The following PHKA1 variants were observed in gnomAD, a reference collection of about 807,000 sequenced individuals.
The protein encoded by PHKA1 is phosphorylase kinase regulatory subunit alpha 1.
A neutral mutation model predicts 110.2 loss-of-function variants in PHKA1; 60 were observed. The ratio of observed to expected loss-of-function variants is 0.54; its 90% CI spans 0.44 to 0.68. The LOEUF is 0.68. Ranked by LOEUF, PHKA1 falls within the 30% of genes least tolerant of loss-of-function variation. The pLI is 0.00. For synonymous variants in PHKA1, 316 were observed against 333.6 expected (o/e 0.95, Z 0.58); for missense variants, 801 against 942.5 (o/e 0.85, Z 1.97).
intron 2 of PHKA1, 150 bp downstream of exon 2, chrX:72,712,629 G>C: frequency 1.8e-6 from 1 of 555,768 alleles, no homozygotes; most frequent in Non-Finnish European, 3.1e-6. Flanking sequence ...AAGCTTTCTG[G>C]AATATAATTT....
chrX:72,595,799 T>C (rs2052582120), intron 28 of PHKA1, among the ~76,000 whole-genome samples: 1 of 111,355 alleles, frequency 9.0e-6, no homozygotes, highest in Non-Finnish European at 1.9e-5. Flanking sequence ...AGATAACAGG[T>C]ATTGGTGAGA....
rs888308135 is a variant in PHKA1 at position 72,609,676 on chromosome X, T to C, written c.2554A>G (p.Lys852Glu). 1 of 1,203,806 alleles carries C rather than the reference T, an allele frequency of 8.3e-7. No homozygotes were observed. Among genetic ancestry groups the C allele is most frequent in the Non-Finnish European group, 1.1e-6 (1 of 888,234 alleles). ...GGAGGAAGTCCTACTGTCAAATGTT[T>C]CTGGTGGGAGAGAAGGTCTGTGCAG... ...EACTDLLSHQ[K>E]HLTVGLPPEP... Residue 852 changes from lysine (K) to glutamate (E), a missense_variant, in exon 23 of 32, where the codon AAA (lysine) becomes GAA (glutamate). Physicochemically the swap from Lys to Glu is moderately conservative, Grantham distance 56 (BLOSUM62 1). This residue lies in a region of PHKA1 where 502 missense variants were observed against 519.2 expected (regional missense o/e 0.97). Coordinates refer to ENST00000373542, the MANE Select transcript of PHKA1 (RefSeq NM_002637.4).
chrX:72,707,482 C>CT (rs2054304569), intron 2 of PHKA1, among the ~76,000 whole-genome samples: 1 of 110,803 alleles, frequency 9.0e-6, no homozygotes, highest in Non-Finnish European at 1.9e-5. Context: ...GCTTATATAT[C>CT]TGTCTCCCCC....
At chrX:72,603,402 A>AT (rs781933537) in intron 25 of PHKA1, among the ~76,000 whole-genome samples, 182 bp from the exon 26 acceptor site, 9 of 112,044 alleles carry the variant, frequency 8.0e-5, no homozygotes, top group Non-Finnish European at 1.7e-4. Flanking sequence ...ATTCTTAATT[A>AT]TTTAAGGACT....
In PHKA1 at chrX:72,593,087, C is replaced by G; in HGVS notation, c.3243+17G>C. On this transcript the variant is annotated intron_variant, in intron 29 of 31. Coordinates refer to ENST00000373542, the MANE Select transcript of PHKA1 (RefSeq NM_002637.4). ...TCAAGGGGCAAAAATGAGACATCAA[C>G]AATGTATTATGCTCACCTTCTGCAA... The G allele has an allele frequency of 9.0e-7, 1 of 1,110,527 alleles. No homozygotes were observed. The highest frequency in any genetic ancestry group is 3.0e-5 in the East Asian group (1 of 33,352). The allele number at this position is 1,110,527 out of a possible 1,213,427, so 91.5% of individuals were successfully genotyped here.
intron 3 of PHKA1, 91 bp from the exon 4 acceptor site, chrX:72,695,967 A>C: frequency 1.4e-6 from 1 of 730,168 alleles, no homozygotes; most frequent in Non-Finnish European, 2.2e-6. Context: ...CATTATTGCA[A>C]TGTGAAGATA....
intron 6 of PHKA1, among the ~76,000 whole-genome samples, chrX:72,670,864 G>C (rs1194611744): frequency 9.0e-6 from 1 of 111,462 alleles, no homozygotes; most frequent in Non-Finnish European, 1.9e-5. Flanking sequence ...ATGCAGAAAG[G>C]GCCTTTGACA....
chrX:72,627,811 CTTTTTTTTT>C (rs1160541868), intron 16 of PHKA1, among the ~76,000 whole-genome samples: 2 of 67,859 alleles, frequency 2.9e-5, no homozygotes, highest in Admixed American at 1.8e-4. Flanking sequence ...TTTTCCTACA[CTTTTTTTTT>C]TTTTTTTTTT....
At chrX:72,679,644 C>G (rs5958815) in intron 5 of PHKA1, among the ~76,000 whole-genome samples, 43,303 of 109,880 alleles carry the variant, frequency 0.39, 10,187 homozygotes, top group African/African-American at 0.87. Flanking sequence ...CTGTATCTGA[C>G]CTGAAAAATA....
Position 72,580,878 on chromosome X carries a change from G to A in PHKA1, c.*124C>T. The A allele has an allele frequency of 3.1e-6, 2 of 635,401 alleles. No homozygotes were observed. Among genetic ancestry groups the A allele is most frequent in the Non-Finnish European group, 5.1e-6 (2 of 391,518 alleles). 52.4% of individuals were successfully genotyped at this position (635,401 alleles called of 1,213,427 possible). ...TTATCGAAAAAGTTCTCTCTTCTTG[G>A]GAAGGATGGGACAGAAAGGGGCAGG... On this transcript the variant is annotated 3_prime_UTR_variant, in exon 32 of 32. Coordinates refer to ENST00000373542, the MANE Select transcript of PHKA1 (RefSeq NM_002637.4).
intron 16 of PHKA1, among the ~76,000 whole-genome samples, chrX:72,628,337 A>G (rs1319836153): frequency 1.8e-5 from 2 of 109,033 alleles, no homozygotes; most frequent in African/African-American, 6.7e-5. Context: ...TTTTCAATTG[A>G]CTTTCAAGAG....
At chrX:72,673,705 G>A (rs1350573539) in intron 6 of PHKA1, among the ~76,000 whole-genome samples, 1 of 109,546 alleles carries the variant, frequency 9.1e-6, no homozygotes, top group Non-Finnish European at 1.9e-5. Flanking sequence ...AAAGAAAAAT[G>A]ACATCTATGG....
At chrX:72,648,771 A>G (rs2053391991) in intron 13 of PHKA1, among the ~76,000 whole-genome samples, 1 of 112,237 alleles carries the variant, frequency 8.9e-6, no homozygotes, top group Non-Finnish European at 1.9e-5. Flanking sequence ...GAAGAAAAAG[A>G]AACTTGAAAT....
Position 72,635,173 on chromosome X carries a change from T to C in PHKA1, c.1696A>G (p.Ile566Val), listed in dbSNP as rs181596724. 1 of 1,210,337 alleles carries C rather than the reference T, an allele frequency of 8.3e-7. No homozygotes were observed. Among genetic ancestry groups the C allele is most frequent in the Non-Finnish European group, 1.1e-6 (1 of 895,290 alleles). The stretch of plus-strand genomic sequence containing the variant: ...CCCTTACCAAGCATGCTGTGTGAGA[T>C]GGGGAAGGTGATGGTGGGCTGGCCT... ...MTGQPTITFP[I>V]SHSMLDEDGT... is the part of the protein sequence containing the mutation. Residue 566 changes from isoleucine (I) to valine (V), a missense_variant, in exon 16 of 32, where the codon ATC (isoleucine) becomes GTC (valine). Ile to Val is a conservative substitution (Grantham distance 29, BLOSUM62 3). Transcript: ENST00000373542.
rs1338460439 is a variant in PHKA1 at position 72,605,591 on chromosome X, G to C, written c.2635C>G (p.Leu879Val). The C allele has an allele frequency of 8.3e-7, 1 of 1,205,479 alleles. No homozygotes were observed. The highest frequency in any genetic ancestry group is 1.7e-5 in the African/African-American group (1 of 57,196). The stretch of plus-strand genomic sequence containing the variant: ...TCCCCTTCACTGGCTTCATCTATCA[G>C]CTGAGTGAGCGCCTCATAGGGCAGA... ...APLPYEALTQ[L>V]IDEASEGDMS... Residue 879 changes from leucine (L) to valine (V), a missense_variant, in exon 24 of 32, where the codon CTG (leucine) becomes GTG (valine). Around this residue, in one of 2 missense-constraint regions of PHKA1, gnomAD observed 502 missense variants for 519.2 expected, o/e 0.97. Transcript: ENST00000373542.
chrX:72,657,725 A>G (rs781982523), intron 8 of PHKA1, 84 bp from the exon 9 acceptor site: 2 of 728,190 alleles, frequency 2.7e-6, no homozygotes, highest in Non-Finnish European at 4.3e-6. Flanking sequence ...TGCAACATCT[A>G]TATGTACCAC....
chrX:72,609,961 T>C (rs1238891248), intron 22 of PHKA1, among the ~76,000 whole-genome samples: 1 of 111,358 alleles, frequency 9.0e-6, no homozygotes, highest in East Asian at 2.8e-4. Context: ...TTAAAAAATT[T>C]GTTTAAATTT....
intron 5 of PHKA1, among the ~76,000 whole-genome samples, chrX:72,679,993 A>G (rs901923034): frequency 9.0e-6 from 1 of 111,288 alleles, no homozygotes; most frequent in Admixed American, 9.5e-5. Context: ...CGAAGTGTTT[A>G]AAGTCAGTAA....
intron 2 of PHKA1, among the ~76,000 whole-genome samples, chrX:72,710,832 ATTTT>A (rs200509614): frequency 1.5e-4 from 11 of 74,277 alleles, no homozygotes; most frequent in African/African-American, 3.0e-4. Context: ...TTTATTTTTT[ATTTT>A]TTTATTTTTT....
Sources: allele counts gnomAD v4.1 joint callset (sites outside exome capture counted in the v4.1 genomes callset), GRCh38; gene constraint gnomAD v4.1.1; regional missense constraint gnomAD v4.1.1; transcripts MANE v1.5; gene names NCBI Gene and HGNC (gene_info 2026-07-23, HGNC 2026-07-21).